ITGBL1: variants seen among roughly 807,000 people sequenced by gnomAD.
ITGBL1 encodes the protein integrin beta-like protein 1.
A neutral mutation model predicts 68.5 loss-of-function variants in ITGBL1; 51 were observed. The ratio of observed to expected loss-of-function variants is 0.74; its 90% CI spans 0.59 to 0.94. The LOEUF is 0.94. Among genes scored for constraint, ITGBL1 ranks in the 40% least tolerant of loss-of-function variants. ITGBL1 has a pLI of 0.00. For missense variants in ITGBL1, 649 were observed against 647.4 expected (o/e 1.00, Z -0.03); for synonymous variants, 209 against 227.3 (o/e 0.92, Z 0.72).
chr13:101,567,396 G>A (rs2050198406), intron 2 of ITGBL1, among the ~76,000 whole-genome samples: 2 of 152,106 alleles, frequency 1.3e-5, no homozygotes, highest in East Asian at 1.9e-4. Context: ...CTGAGATGCT[G>A]GATAGAATGG....
At chr13:101,505,112 T>C (rs957194883) in intron 2 of ITGBL1, among the ~76,000 whole-genome samples, 2 of 144,028 alleles carry the variant, frequency 1.4e-5, no homozygotes, top group African/African-American at 4.9e-5. Flanking sequence ...CTGAGACCTT[T>C]ACAAAAGGCC....
rs2033150151 is a variant in ITGBL1, at chr13:101,663,959, C to G, written c.1016-28626C>G. On this transcript the variant is annotated intron_variant, in intron 7 of 10. Transcript: ENST00000376180. The stretch of plus-strand genomic sequence containing the variant: ...AATGTTCTCTCTCTCTCTTGAGAAA[C>G]AGCAGATTTATTGTCATAATAATCT... Among the ~76,000 whole-genome samples the G allele has an allele frequency of 2.6e-5, 4 of 152,132 alleles. No individual in the cohort carries two copies. The South Asian group carries it at 8.3e-4, about 31-fold the overall frequency.
intron 7 of ITGBL1, among the ~76,000 whole-genome samples, chr13:101,681,566 T>G (rs540150095): frequency 6.6e-6 from 1 of 152,304 alleles, no homozygotes; most frequent in African/African-American, 2.4e-5. Context: ...CTTGTTCGTC[T>G]TCTTGTCTCC....
At chr13:101,570,165 A>G (rs2050249688) in intron 3 of ITGBL1, among the ~76,000 whole-genome samples, 1 of 152,106 alleles carries the variant, frequency 6.6e-6, no homozygotes. Flanking sequence ...ACTTATTATC[A>G]GTCTAGAAGC....
At position 101,706,895 on chromosome 13, in the gene ITGBL1, G is replaced by T; in HGVS notation, c.1272G>T (p.Ser424=). The T allele has an allele frequency of 6.2e-7, 1 of 1,613,818 alleles. No individual in the cohort carries two copies. Among genetic ancestry groups the T allele is most frequent in the Non-Finnish European group, 8.5e-7 (1 of 1,179,820 alleles). The change falls in exon 9 of 11, where the codon TCG becomes TCT. Residue 424 remains serine, a synonymous_variant. Coordinates refer to ENST00000376180, the MANE Select transcript of ITGBL1 (RefSeq NM_004791.3). The part of the protein sequence containing the change: ...LCESADGILC[S]GKGSCHCGKC... ...AATCAGCAGATGGCATATTGTGCTCGGGGAAGGGTGAGTATCTCTGCTGGT... is the reference window on the plus strand; with the variant it reads ...AATCAGCAGATGGCATATTGTGCTCTGGGAAGGGTGAGTATCTCTGCTGGT...
At chr13:101,454,777 A>G (rs1311827450) in intron 2 of ITGBL1, among the ~76,000 whole-genome samples, 1 of 152,226 alleles carries the variant, frequency 6.6e-6, no homozygotes, top group African/African-American at 2.4e-5. Context: ...AGGAGTGCAT[A>G]TCAGAAAACT....
At position 101,452,853 on chromosome 13, in the gene ITGBL1, G is replaced by A. The variant is rs1232120314; in HGVS notation, c.20G>A (p.Arg7Lys). 5 of 1,614,048 alleles carry A rather than the reference G, an allele frequency of 3.1e-6. No homozygotes were observed. In the East Asian group the frequency reaches 1.1e-4, roughly 36 times the overall value. Residue 7 changes from arginine to lysine, a missense_variant, in exon 1 of 11, where the codon AGG (arginine) becomes AAG (lysine). Physicochemically the swap from Arg to Lys is conservative, Grantham distance 26 (BLOSUM62 2). Transcript: ENST00000376180. The part of the protein sequence containing the change: MRPPGF[R>K]NFLLLASSLL... ...CTCAGCATGCGTCCCCCAGGCTTCA[G>A]GAACTTCTTGCTGCTGGCGTCCTCC...
At chr13:101,546,868 C>T (rs776600365) in intron 2 of ITGBL1, among the ~76,000 whole-genome samples, 1 of 151,842 alleles carries the variant, frequency 6.6e-6, no homozygotes, top group African/African-American at 2.4e-5. Context: ...GTTTTCATAT[C>T]TTACTGAAGA....
At chr13:101,468,138 C>T (rs377744826) in intron 2 of ITGBL1, among the ~76,000 whole-genome samples, 1 of 152,164 alleles carries the variant, frequency 6.6e-6, no homozygotes, top group African/African-American at 2.4e-5. Context: ...GCAGTTTCCT[C>T]TCCAAAATAC....
intron 2 of ITGBL1, among the ~76,000 whole-genome samples, chr13:101,470,399 G>T (rs766170543): frequency 6.6e-6 from 1 of 151,160 alleles, no homozygotes; most frequent in Non-Finnish European, 1.5e-5. Context: ...GCGCGATCTC[G>T]GCTCACTGCA....
At chr13:101,454,421 C>T (rs2139608156) in intron 2 of ITGBL1, among the ~76,000 whole-genome samples, 1 of 142,116 alleles carries the variant, frequency 7.0e-6, no homozygotes, top group Admixed American at 7.1e-5. Flanking sequence ...CCCCCAACTC[C>T]TGGAATCAAG....
chr13:101,598,115 T>C (rs1425183310), intron 6 of ITGBL1, 38 bp from the exon 7 acceptor site: 1 of 1,561,604 alleles, frequency 6.4e-7, no homozygotes, highest in Admixed American at 1.9e-5. Context: ...TCATTATCTT[T>C]ATGTACATTT....
intron 9 of ITGBL1, chr13:101,710,830 CTT>C (rs2034429593): frequency 6.6e-6 from 1 of 152,108 alleles, no homozygotes; most frequent in Non-Finnish European, 1.5e-5. Flanking sequence ...CGTTTTATTT[CTT>C]TACAAATTTA....
intron 2 of ITGBL1, among the ~76,000 whole-genome samples, chr13:101,528,716 TTAAAA>T (rs1332837834): frequency 2.0e-5 from 3 of 152,050 alleles, no homozygotes; most frequent in Non-Finnish European, 4.4e-5. Flanking sequence ...TAAGTAGTTC[TTAAAA>T]TGAAATTAAC....
At chr13:101,585,393 G>C (rs1281856717) in intron 6 of ITGBL1, among the ~76,000 whole-genome samples, 1 of 152,146 alleles carries the variant, frequency 6.6e-6, no homozygotes, top group Non-Finnish European at 1.5e-5. Context: ...AGAGTTGGTG[G>C]TTAAAACTAT....
intron 6 of ITGBL1, 50 bp from the exon 7 acceptor site, chr13:101,598,103 C>G: frequency 7.9e-5 from 115 of 1,454,520 alleles, no homozygotes; most frequent in Non-Finnish European, 9.7e-5. Flanking sequence ...CTAATTCCAA[C>G]TTCATTATCT....
chr13:101,636,297 A>T (rs1313788609), intron 7 of ITGBL1, among the ~76,000 whole-genome samples: 1 of 152,138 alleles, frequency 6.6e-6, no homozygotes, highest in Admixed American at 6.5e-5. Context: ...AGTGTCAAGG[A>T]TCCAAGAGTC....
At chr13:101,536,705 A>G (rs2049583000) in intron 2 of ITGBL1, among the ~76,000 whole-genome samples, 1 of 151,982 alleles carries the variant, frequency 6.6e-6, no homozygotes, top group African/African-American at 2.4e-5. Flanking sequence ...TCTGCCTCAT[A>G]AAGACTTCTG....
At chr13:101,495,784 G>A (rs2048849756) in intron 2 of ITGBL1, among the ~76,000 whole-genome samples, 1 of 152,078 alleles carries the variant, frequency 6.6e-6, no homozygotes, top group African/African-American at 2.4e-5. Context: ...GTCTGTCTGG[G>A]ACCTGGTAAG....
Sources: gnomAD v4.1 joint callset for allele counts (sites outside exome capture counted in the v4.1 genomes callset) on GRCh38, gnomAD v4.1.1 for gene constraint, MANE v1.5 for transcripts, NCBI Gene and HGNC (gene_info 2026-07-23, HGNC 2026-07-21) for gene names.